The following MAD1L1 variants were observed in gnomAD, a reference collection of about 807,000 sequenced individuals.
MAD1L1 encodes the protein mitotic spindle assembly checkpoint protein MAD1.
Under a neutral mutation model 96.9 loss-of-function variants are expected in MAD1L1, and 95 were observed. The ratio of observed to expected loss-of-function variants is 0.98; its 90% CI spans 0.83 to 1.16. The LOEUF (loss-of-function observed/expected upper bound fraction) is 1.16. Ranked by LOEUF, MAD1L1 falls within the 50% of genes most tolerant of loss-of-function variation. The probability of loss-of-function intolerance (pLI) is 0.00; values close to 1 mark genes in which losing one functional copy is unlikely to be tolerated. For missense variants in MAD1L1, 1,007 were observed against 954.4 expected, an observed-to-expected ratio of 1.06 and a Z score of -0.73; for synonymous variants, 473 against 396.6, an observed-to-expected ratio of 1.19 and a Z score of -2.29.
At chr7:1,965,268 C>G (rs1019404307) in intron 15 of MAD1L1, among the ~76,000 whole-genome samples, 2 of 152,188 alleles carry the variant, frequency 1.3e-5, no homozygotes, top group Admixed American at 1.3e-4. Flanking sequence ...TGTCCTGACA[C>G]GGAGCACCTC....
At chr7:2,212,875 C>A (rs1404021674) in intron 10 of MAD1L1, among the ~76,000 whole-genome samples, 3 of 152,206 alleles carry the variant, frequency 2.0e-5, no homozygotes, top group Admixed American at 2.0e-4. Flanking sequence ...TGAATGATTT[C>A]CCCCAAAAGC....
intron 10 of MAD1L1, among the ~76,000 whole-genome samples, chr7:2,185,133 G>A (rs554279875): frequency 4.7e-4 from 72 of 152,284 alleles, no homozygotes; most frequent in African/African-American, 1.6e-3. Context: ...AGATGCCGGC[G>A]TACAAACTTT....
intron 14 of MAD1L1, among the ~76,000 whole-genome samples, chr7:1,987,897 G>A (rs928608704): frequency 2.6e-5 from 4 of 152,130 alleles, no homozygotes; most frequent in African/African-American, 9.7e-5. Context: ...TGGGAAACCC[G>A]GGCTCCCAGG....
chr7:2,204,568 A>G (rs1320582222), intron 10 of MAD1L1, among the ~76,000 whole-genome samples: 2 of 152,250 alleles, frequency 1.3e-5, no homozygotes, highest in Non-Finnish European at 2.9e-5. Flanking sequence ...TATAGTAAGT[A>G]TAAACTCAGT....
chr7:2,044,871 G>A (rs1783850419), intron 12 of MAD1L1, among the ~76,000 whole-genome samples: 1 of 152,114 alleles, frequency 6.6e-6, no homozygotes, highest in African/African-American at 2.4e-5. Flanking sequence ...TGTAGACAGG[G>A]GAGCCCAGGG....
chr7:1,903,099 C>G (rs1312165907), intron 17 of MAD1L1, among the ~76,000 whole-genome samples: 1 of 148,972 alleles, frequency 6.7e-6, no homozygotes, highest in Admixed American at 6.6e-5. Context: ...CTGTTCCAGG[C>G]AGCGAGGACG....
At chr7:2,038,396 G>C (rs1584151055) in intron 12 of MAD1L1, among the ~76,000 whole-genome samples, 1 of 150,488 alleles carries the variant, frequency 6.6e-6, no homozygotes, top group Non-Finnish European at 1.5e-5. Flanking sequence ...TCTGCTGGAA[G>C]ATGCCGTCTA....
intron 17 of MAD1L1, among the ~76,000 whole-genome samples, chr7:1,902,748 C>G (rs1415667588): frequency 6.6e-6 from 1 of 152,230 alleles, no homozygotes; most frequent in Non-Finnish European, 1.5e-5. Context: ...AGGCACCGTT[C>G]CAGAAAGCAA....
intron 18 of MAD1L1, among the ~76,000 whole-genome samples, chr7:1,864,658 C>A (rs959947132): frequency 6.6e-6 from 1 of 152,214 alleles, no homozygotes; most frequent in East Asian, 1.9e-4. Flanking sequence ...CCCGACCTCA[C>A]GTGGACCCCT....
At chr7:2,071,140 A>G (rs184195339) in intron 11 of MAD1L1, among the ~76,000 whole-genome samples, 3 of 151,770 alleles carry the variant, frequency 2.0e-5, no homozygotes, top group Non-Finnish European at 4.4e-5. Flanking sequence ...GGGGGATGGC[A>G]CTTTCTTGGG....
chr7:2,198,017 G>C (rs1410764063), intron 10 of MAD1L1, among the ~76,000 whole-genome samples: 1 of 151,034 alleles, frequency 6.6e-6, no homozygotes, highest in Admixed American at 6.6e-5. Flanking sequence ...GCCCAGGACG[G>C]GGCAACCACA....
intron 17 of MAD1L1, among the ~76,000 whole-genome samples, chr7:1,926,192 C>CA (rs1250838087): frequency 6.6e-6 from 1 of 152,130 alleles, no homozygotes; most frequent in East Asian, 1.9e-4. Context: ...AAAAAAACCC[C>CA]AAAACCTACA....
intron 5 of MAD1L1, among the ~76,000 whole-genome samples, chr7:2,221,896 G>T (rs1455044920): frequency 6.6e-6 from 1 of 152,134 alleles, no homozygotes; most frequent in East Asian, 1.9e-4. Context: ...CCATCGCTAG[G>T]GACCTTATAA....
intron 10 of MAD1L1, among the ~76,000 whole-genome samples, chr7:2,178,994 T>G (rs1791067095): frequency 6.6e-6 from 1 of 152,042 alleles, no homozygotes; most frequent in Admixed American, 6.6e-5. Flanking sequence ...AAAACACCAT[T>G]AAGATCTCAG....
At position 1,942,914 on chromosome 7, in the gene MAD1L1, G is replaced by GT. The variant is rs576573799; in HGVS notation, c.1597-6018dup. 1.1e-4 allele frequency among the ~76,000 whole-genome samples: 17 copies of GT among 152,342 alleles called. No individual in the cohort carries two copies. The East Asian group carries it at 2.3e-3, about 21-fold the overall frequency. The stretch of plus-strand genomic sequence containing the variant: ...AAGCCACTGCAATCAGGATGGTGTG[G>GT]TGTGGGCATGAGGACCGACGTACAG... On this transcript the variant is annotated intron_variant, in intron 16 of 18. Coordinates refer to ENST00000265854, the MANE Select transcript of MAD1L1 (RefSeq NM_001013836.2).
chr7:1,920,824 G>A (rs1043229808), intron 17 of MAD1L1, among the ~76,000 whole-genome samples: 3 of 152,218 alleles, frequency 2.0e-5, no homozygotes, highest in East Asian at 1.9e-4. Flanking sequence ...ACCCCATAAC[G>A]ATGCACGAAC....
In MAD1L1 at chr7:2,142,306, C is replaced by G. The variant is rs1789076521; in HGVS notation, c.1073+6846G>C. Among the ~76,000 whole-genome samples the G allele has an allele frequency of 1.3e-5, 2 of 152,348 alleles. No homozygotes were observed. Among genetic ancestry groups the G allele is most frequent in the Middle Eastern group, 3.4e-3 (1 of 294 alleles). On this transcript the variant is annotated intron_variant, in intron 11 of 18. Coordinates refer to ENST00000265854, the MANE Select transcript of MAD1L1 (RefSeq NM_001013836.2). This position sits in a 1 kb window ranked among gnomAD's most constrained non-coding sequence, Gnocchi z 4.7. Reference sequence around the variant, plus strand: ...AGCAGATGCCATCAAGGGCCCCGTTCTAGAGACAGACAAGGAGCCTCAAAA... The same window carrying G: ...AGCAGATGCCATCAAGGGCCCCGTTGTAGAGACAGACAAGGAGCCTCAAAA...
intron 18 of MAD1L1, chr7:1,848,902 A>G (rs1262788570): frequency 3.2e-5 from 5 of 154,434 alleles, no homozygotes; most frequent in Middle Eastern, 5.1e-4. Flanking sequence ...CTGTGCCTCA[A>G]TAGGACAGCC....
At chr7:2,139,495 C>A (rs1193448866) in intron 11 of MAD1L1, among the ~76,000 whole-genome samples, 2 of 152,234 alleles carry the variant, frequency 1.3e-5, no homozygotes, top group African/African-American at 2.4e-5. Flanking sequence ...TCAGGAGGAA[C>A]CAGACACTAC....
Sources: gnomAD v4.1 joint callset for allele counts (sites outside exome capture counted in the v4.1 genomes callset) on GRCh38, gnomAD v4.1.1 for gene constraint, Gnocchi (gnomAD v3.1) non-coding constraint, MANE v1.5 for transcripts, NCBI Gene and HGNC (gene_info 2026-07-23, HGNC 2026-07-21) for gene names.